The following NXPE3 variants were observed in gnomAD, a reference collection of about 807,000 sequenced individuals.
NXPE3 encodes neurexophilin and PC-esterase domain family member 3.
A neutral mutation model predicts 46.1 loss-of-function variants in NXPE3; 26 were observed. The ratio of observed to expected loss-of-function variants is 0.56; its 90% CI spans 0.41 to 0.78. The LOEUF (loss-of-function observed/expected upper bound fraction) is 0.78. Among genes scored for constraint, NXPE3 ranks in the 30% least tolerant of loss-of-function variants. The probability of loss-of-function intolerance (pLI) is 0.00; values close to 1 mark genes in which losing one functional copy is unlikely to be tolerated. For missense variants in NXPE3, 620 were observed against 686.0 expected, an observed-to-expected ratio of 0.90 and a Z score of 1.07; for synonymous variants, 272 against 257.9, an observed-to-expected ratio of 1.05 and a Z score of -0.52.
chr3:101,799,340 C>T (rs1375821645), intron 4 of NXPE3, among the ~76,000 whole-genome samples: 1 of 152,094 alleles, frequency 6.6e-6, no homozygotes, highest in African/African-American at 2.4e-5. Flanking sequence ...AATAATGTAT[C>T]TAGTCCTTTT....
At chr3:101,793,627 C>CTTTTTTTTTTTTT in intron 4 of NXPE3, among the ~76,000 whole-genome samples, 4 of 19,408 alleles carry the variant, frequency 2.1e-4, no homozygotes, top group Non-Finnish European at 3.8e-4. Context: ...TTGACAAGGT[C>CTTTTTTTTTTTTT]TTTTTTTTTT....
At chr3:101,787,250 T>A (rs1940243112) in intron 4 of NXPE3, among the ~76,000 whole-genome samples, 1 of 152,232 alleles carries the variant, frequency 6.6e-6, no homozygotes, top group Non-Finnish European at 1.5e-5. Flanking sequence ...TCTATGAACT[T>A]GACAACTCTA....
Position 101,801,727 on chromosome 3 carries a change from G to A in NXPE3, c.586G>A (p.Val196Ile), listed in dbSNP as rs1423663748. Residue 196 changes from valine to isoleucine, a missense_variant, in exon 5 of 8, where the codon GTT becomes ATT. Coordinates refer to ENST00000273347, the MANE Select transcript of NXPE3 (RefSeq NM_145037.4). ...GGTCCACCCCAGTGAAGGGATCAGA[G>A]TTCTTCAGCGCTTACAGGAAGATAA... ...SLVHPSEGIRVLQRLQEDKPD... is the reference protein window; with the variant it reads ...SLVHPSEGIRILQRLQEDKPD... 2 of 1,614,100 alleles carry A rather than the reference G, an allele frequency of 1.2e-6. No homozygotes were observed. Among genetic ancestry groups the A allele is most frequent in the African/African-American group, 2.7e-5 (2 of 74,930 alleles).
intron 1 of NXPE3, chr3:101,781,707 A>G (rs745725164): frequency 6.6e-6 from 1 of 152,246 alleles, no homozygotes; most frequent in Non-Finnish European, 1.5e-5. Flanking sequence ...AGATTCCTTG[A>G]ATAATAACTT....
At chr3:101,788,447 C>T (rs1200811257) in intron 4 of NXPE3, among the ~76,000 whole-genome samples, 2 of 152,212 alleles carry the variant, frequency 1.3e-5, no homozygotes, top group Admixed American at 6.5e-5. Context: ...AAGAAATCAT[C>T]ACCAAATTCA....
intron 2 of NXPE3, 124 bp downstream of exon 2, chr3:101,782,414 C>G (rs1939875073): frequency 6.6e-6 from 1 of 151,932 alleles, no homozygotes; most frequent in Non-Finnish European, 1.5e-5. Context: ...AATAGCATTC[C>G]TGTTATAATG....
Position 101,801,988 on chromosome 3 carries a change from A to G in NXPE3, c.847A>G (p.Ser283Gly). ...CGCTGCAGAGAGTGCTTTCTTCCAG[A>G]GGTATGTACTGCTTTTTCTTGGGGA... ...LTAAESAFFQSGVNIKMPVNS... is the reference protein window; with the variant it reads ...LTAAESAFFQGGVNIKMPVNS... The change falls in exon 5 of 8, where the codon AGT (serine) becomes GGT (glycine). Residue 283 changes from serine (S) to glycine (G), a missense_variant and splice_region_variant. This residue lies in a region of NXPE3 where 511 missense variants were observed against 528.6 expected (regional missense o/e 0.97). Transcript: ENST00000273347. The G allele has an allele frequency of 6.3e-7, 1 of 1,592,382 alleles. No homozygotes were observed. The highest frequency in any genetic ancestry group is 2.2e-5 in the East Asian group (1 of 44,776).
chr3:101,816,921 G>A lies in NXPE3; in HGVS notation c.1049G>A (p.Cys350Tyr). The change falls in exon 7 of 8, where the codon TGC becomes TAC. Residue 350 changes from cysteine (C) to tyrosine (Y), a missense_variant. Coordinates refer to ENST00000273347, the MANE Select transcript of NXPE3 (RefSeq NM_145037.4). ...QFNDPDNITE[C>Y]LQRKVVHLFG... is the part of the protein sequence containing the mutation. ...AATGACCCTGACAACATTACAGAGT[G>A]CTTACAAAGAAAAGTGGTGCATTTA... The A allele has an allele frequency of 6.2e-7, 1 of 1,614,126 alleles. No homozygotes were observed. The highest frequency in any genetic ancestry group is 8.5e-7 in the Non-Finnish European group (1 of 1,179,998).
intron 7 of NXPE3, among the ~76,000 whole-genome samples, chr3:101,817,265 A>G (rs1444495489): frequency 6.6e-6 from 1 of 152,126 alleles, no homozygotes; most frequent in South Asian, 2.1e-4. Flanking sequence ...TTTACTTTTT[A>G]GGGCTTCATT....
Position 101,821,934 on chromosome 3 carries a change from G to A in NXPE3, c.1660G>A (p.Val554Met). The A allele has an allele frequency of 6.2e-7, 1 of 1,613,302 alleles. No homozygotes were observed. The highest frequency in any genetic ancestry group is 8.5e-7 in the Non-Finnish European group (1 of 1,179,304). Residue 554 changes from valine to methionine, a missense_variant, in exon 8 of 8, where the codon GTG becomes ATG. Coordinates refer to ENST00000273347, the MANE Select transcript of NXPE3 (RefSeq NM_145037.4). ...KNQLDMFLSF[V>M]CPLET ...CCAGCTGGACATGTTCTTGTCCTTTGTGTGCCCCTTGGAAACCTAGCCTGT... is the reference window on the plus strand; with the variant it reads ...CCAGCTGGACATGTTCTTGTCCTTTATGTGCCCCTTGGAAACCTAGCCTGT...
intron 1 of NXPE3, 158 bp from the exon 2 acceptor site, chr3:101,781,952 T>C (rs1332209385): frequency 3.0e-4 from 45 of 152,208 alleles, no homozygotes; most frequent in Admixed American, 2.9e-3. Context: ...TACTGTTTTT[T>C]ATTAGTAAGG....
intron 6 of NXPE3, among the ~76,000 whole-genome samples, chr3:101,811,040 C>T (rs1207455157): frequency 6.6e-6 from 1 of 152,034 alleles, no homozygotes; most frequent in African/African-American, 2.4e-5. Context: ...AGGCTGGTCT[C>T]GAACTCCTGA....
At chr3:101,808,854 T>TATATAAATATATATATAA in intron 6 of NXPE3, among the ~76,000 whole-genome samples, 1 of 100,346 alleles carries the variant, frequency 1.0e-5, no homozygotes, top group African/African-American at 3.6e-5. Context: ...TATATATATA[T>TATATAAATATATATATAA]ATGAGACATT....
At chr3:101,792,583 G>A (rs1372790178) in intron 4 of NXPE3, among the ~76,000 whole-genome samples, 2 of 152,034 alleles carry the variant, frequency 1.3e-5, no homozygotes, top group African/African-American at 4.8e-5. Flanking sequence ...TAAATGTGTG[G>A]CCTTGTTTCT....
At chr3:101,821,170 T>C (rs2107361657) in intron 7 of NXPE3, among the ~76,000 whole-genome samples, 1 of 152,282 alleles carries the variant, frequency 6.6e-6, no homozygotes, top group East Asian at 1.9e-4. Flanking sequence ...TGGTGTTATT[T>C]ATAATGAATG....
Position 101,801,533 on chromosome 3 carries a change from A to G in NXPE3, c.392A>G (p.Asp131Gly). The G allele has an allele frequency of 2.5e-6, 4 of 1,614,124 alleles. No homozygotes were observed. The highest frequency in any genetic ancestry group is 3.4e-6 in the Non-Finnish European group (4 of 1,180,026). Residue 131 changes from aspartate to glycine, a missense_variant, in exon 5 of 8, where the codon GAT becomes GGT. Coordinates refer to ENST00000273347, the MANE Select transcript of NXPE3 (RefSeq NM_145037.4). ...SQLEVLVHVQDFQRKPKKYGG... is the reference protein window; with the variant it reads ...SQLEVLVHVQGFQRKPKKYGG... The stretch of plus-strand genomic sequence containing the variant: ...CTTGAGGTGCTGGTTCATGTGCAGG[A>G]TTTTCAAAGAAAGCCCAAGAAGTAT...
chr3:101,818,821 A>C (rs1942116165), intron 7 of NXPE3, among the ~76,000 whole-genome samples: 1 of 115,870 alleles, frequency 8.6e-6, no homozygotes, highest in Admixed American at 1.2e-4. Context: ...GCTGGAGTGC[A>C]GTGGTGTGAT....
In NXPE3 at chr3:101,824,381, G is replaced by A. The variant is rs967213638; in HGVS notation, c.*2427G>A. On this transcript the variant is annotated 3_prime_UTR_variant, in exon 8 of 8. Coordinates refer to ENST00000273347, the MANE Select transcript of NXPE3 (RefSeq NM_145037.4). ...AACTCATGTTTAGATCTGAAATAAG[G>A]TATGTGAGAGTCCATATCTCTTTTC... is the stretch of plus-strand genomic sequence containing the variant. 1 of 152,176 alleles carries A rather than the reference G, an allele frequency of 6.6e-6. No homozygotes were observed. The highest frequency in any genetic ancestry group is 2.4e-5 in the African/African-American group (1 of 41,434). The allele number at this position is 152,176 out of a possible 1,614,324, so 9.4% of individuals were successfully genotyped here. A position where few individuals can be genotyped will look rare whatever the true frequency, so the allele number is the denominator to read the frequency against.
At position 101,822,234 on chromosome 3, in the gene NXPE3, T is replaced by C; in HGVS notation, c.*280T>C. ...AACCAAAGATGCTAATGAGTGTATTTGAATTAGCTTCTCCTAGGAGGGGTG... is the reference window on the plus strand; with the variant it reads ...AACCAAAGATGCTAATGAGTGTATTCGAATTAGCTTCTCCTAGGAGGGGTG... On this transcript the variant is annotated 3_prime_UTR_variant, in exon 8 of 8. Coordinates refer to ENST00000273347, the MANE Select transcript of NXPE3 (RefSeq NM_145037.4). 1 of 366,210 alleles carries C rather than the reference T, an allele frequency of 2.7e-6. No individual in the cohort carries two copies. Among genetic ancestry groups the C allele is most frequent in the South Asian group, 5.7e-5 (1 of 17,674 alleles). 22.7% of individuals were successfully genotyped at this position (366,210 alleles called of 1,614,324 possible). A position where few individuals can be genotyped will look rare whatever the true frequency, so the allele number is the denominator to read the frequency against.
Sources: allele counts gnomAD v4.1 joint callset (sites outside exome capture counted in the v4.1 genomes callset), GRCh38; gene constraint gnomAD v4.1.1; regional missense constraint gnomAD v4.1.1; transcripts MANE v1.5; gene names NCBI Gene and HGNC (gene_info 2026-07-23, HGNC 2026-07-21).